Variants in OPCML observed in about 807,000 individuals in gnomAD.
The protein encoded by OPCML is opioid-binding protein/cell adhesion molecule.
In OPCML, 13 loss-of-function variants were observed where a neutral mutation model predicts 37.8. The observed-to-expected ratio is 0.34, with a 90% CI of 0.22 to 0.55. The LOEUF (loss-of-function observed/expected upper bound fraction) is 0.55, where lower values mean the gene tolerates loss of function less well. Ranked by LOEUF, OPCML falls within the 20% of genes least tolerant of loss-of-function variation. The pLI is 0.91. For missense variants in OPCML, 341 were observed against 435.6 expected (o/e 0.78, Z 1.93); for synonymous variants, 176 against 168.8 (o/e 1.04, Z -0.33).
chr11:132,430,662 C>A (rs1242757915), intron 7 of OPCML, among the ~76,000 whole-genome samples: 4 of 151,844 alleles, frequency 2.6e-5, no homozygotes, highest in African/African-American at 4.8e-5. Context: ...GTTGTCCCTG[C>A]GCCCTACACT....
In OPCML at chr11:133,174,963, T is replaced by C. The variant is rs946844633; in HGVS notation, c.62-231953A>G. Among the ~76,000 whole-genome samples the C allele has an allele frequency of 1.3e-5, 2 of 152,184 alleles. No homozygotes were observed. The highest frequency in any genetic ancestry group is 2.9e-5 in the Non-Finnish European group (2 of 68,032). On this transcript the variant is annotated intron_variant, in intron 1 of 7. Coordinates refer to ENST00000524381, the MANE Select transcript of OPCML (RefSeq NM_001012393.5). This position sits in a 1 kb window ranked among gnomAD's most constrained non-coding sequence, Gnocchi z 4.6. The stretch of plus-strand genomic sequence containing the variant: ...ACAAAAAATTTTTAAAAAGTAACTG[T>C]ACATGGTGTTGCACACCTATAGTTC...
chr11:132,487,216 C>A (rs1266242175), intron 4 of OPCML, among the ~76,000 whole-genome samples: 1 of 152,168 alleles, frequency 6.6e-6, no homozygotes, highest in East Asian at 1.9e-4. Flanking sequence ...GGTTACTCAG[C>A]CCATCATGTA....
At chr11:133,228,015 G>C (rs1298173529) in intron 1 of OPCML, among the ~76,000 whole-genome samples, 20 of 152,154 alleles carry the variant, frequency 1.3e-4, no homozygotes, top group Admixed American at 1.3e-3. Flanking sequence ...CTGAGAGCTG[G>C]GGCTGGGTTG....
At chr11:132,985,367 G>T (rs1258892231) in intron 1 of OPCML, among the ~76,000 whole-genome samples, 1 of 152,086 alleles carries the variant, frequency 6.6e-6, no homozygotes, top group East Asian at 1.9e-4. Flanking sequence ...GCATTTGTGG[G>T]ACCAGAGTTC....
At chr11:132,928,633 G>A (rs979632453) in intron 2 of OPCML, among the ~76,000 whole-genome samples, 2 of 152,002 alleles carry the variant, frequency 1.3e-5, no homozygotes. Flanking sequence ...TAACAGAAAT[G>A]TACAGAACAC....
chr11:133,512,432 G>A (rs981141552), intron 1 of OPCML, among the ~76,000 whole-genome samples: 2 of 152,222 alleles, frequency 1.3e-5, no homozygotes, highest in African/African-American at 2.4e-5. Flanking sequence ...CATCCTCCAG[G>A]CATCTCCATG....
At chr11:133,403,620 C>G (rs371434638) in intron 1 of OPCML, among the ~76,000 whole-genome samples, 1 of 152,102 alleles carries the variant, frequency 6.6e-6, no homozygotes, top group Non-Finnish European at 1.5e-5. Flanking sequence ...CCTTTTATGG[C>G]GACCTCCTTT....
intron 3 of OPCML, among the ~76,000 whole-genome samples, chr11:132,651,403 G>A (rs1021829939): frequency 2.6e-5 from 4 of 152,166 alleles, no homozygotes; most frequent in African/African-American, 7.2e-5. Context: ...TGCATATAAA[G>A]TACCTTGTTA....
intron 1 of OPCML, among the ~76,000 whole-genome samples, chr11:133,379,133 C>T (rs182922592): frequency 1.3e-5 from 2 of 152,270 alleles, no homozygotes; most frequent in African/African-American, 4.8e-5. Context: ...AAAGCAGAGA[C>T]CAATATCATA....
intron 1 of OPCML, among the ~76,000 whole-genome samples, chr11:133,390,286 C>T (rs930268168): frequency 6.6e-6 from 1 of 151,824 alleles, no homozygotes; most frequent in Non-Finnish European, 1.5e-5. Flanking sequence ...GCTGAAACCC[C>T]GTCTCTACTA....
intron 1 of OPCML, among the ~76,000 whole-genome samples, chr11:133,098,293 G>A (rs1177675309): frequency 6.8e-6 from 1 of 147,178 alleles, no homozygotes; most frequent in Non-Finnish European, 1.5e-5. Context: ...TTGGCTCACT[G>A]CAAGCTCTGC....
In OPCML at chr11:133,377,612, G is replaced by GAAAAAAAAAAAAAAAAAAAAAAAA. The variant is rs71477791; in HGVS notation, c.61+154651_61+154652insTTTTTTTTTTTTTTTTTTTTTTTT. Among the ~76,000 whole-genome samples, 151 of 79,030 alleles carry GAAAAAAAAAAAAAAAAAAAAAAAA rather than the reference G, an allele frequency of 1.9e-3. 21 individuals carry two copies. The highest frequency in any genetic ancestry group is 5.5e-3 in the African/African-American group (95 of 17,194). 51.8% of individuals were successfully genotyped at this position (79,030 alleles called of 152,430 possible). A position where few individuals can be genotyped will look rare whatever the true frequency, so the allele number is the denominator to read the frequency against. Reference sequence around the variant, plus strand: ...GCTCTCTCTGACGTGCCAGTATTCAGAAAAAAAAAAAAAAAGAGCACCAAG... The same window carrying GAAAAAAAAAAAAAAAAAAAAAAAA: ...GCTCTCTCTGACGTGCCAGTATTCAGAAAAAAAAAAAAAAAAAAAAAAAAAAAAAAAAAAAAAAAGAGCACCAAG... On this transcript the variant is annotated intron_variant, in intron 1 of 7. Transcript: ENST00000524381.
At chr11:132,836,029 A>G (rs1260709830) in intron 2 of OPCML, among the ~76,000 whole-genome samples, 2 of 152,212 alleles carry the variant, frequency 1.3e-5, no homozygotes, top group African/African-American at 4.8e-5. Flanking sequence ...GGATCCCAGC[A>G]TGCCCATCCA....
chr11:133,421,728 C>A, intron 1 of OPCML: 1 of 985,354 alleles, frequency 1.0e-6, no homozygotes, highest in Non-Finnish European at 1.2e-6. Context: ...AGATAAACAT[C>A]CTAGCAAACA....
At chr11:133,070,611 A>T (rs1177185094) in intron 1 of OPCML, among the ~76,000 whole-genome samples, 2 of 152,224 alleles carry the variant, frequency 1.3e-5, no homozygotes, top group African/African-American at 2.4e-5. Context: ...ATTCCAAAGA[A>T]GGTGCAACTG....
intron 1 of OPCML, among the ~76,000 whole-genome samples, chr11:133,240,394 C>T (rs1302808983): frequency 1.3e-5 from 2 of 152,136 alleles, no homozygotes; most frequent in Non-Finnish European, 2.9e-5. Flanking sequence ...ACACATGGCT[C>T]TTCAAAGAGT....
intron 1 of OPCML, among the ~76,000 whole-genome samples, chr11:133,285,415 G>A (rs1255164257): frequency 1.3e-5 from 2 of 152,210 alleles, no homozygotes; most frequent in Non-Finnish European, 2.9e-5. Context: ...AGCCGGACTG[G>A]AGGACAATCT....
intron 1 of OPCML, chr11:133,006,135 G>T: frequency 1.0e-6 from 1 of 984,498 alleles, no homozygotes; most frequent in Non-Finnish European, 1.2e-6. Context: ...GGTGGGAGGA[G>T]ATCCCTGGAG....
intron 1 of OPCML, among the ~76,000 whole-genome samples, chr11:133,479,219 A>C (rs1323609386): frequency 6.6e-6 from 1 of 152,186 alleles, no homozygotes; most frequent in Non-Finnish European, 1.5e-5. Flanking sequence ...CCTCAGACCC[A>C]TTGAATCAGA....
Sources: allele counts gnomAD v4.1 joint callset (sites outside exome capture counted in the v4.1 genomes callset), GRCh38; gene constraint gnomAD v4.1.1; non-coding constraint Gnocchi (gnomAD v3.1); transcripts MANE v1.5; gene names NCBI Gene and HGNC (gene_info 2026-07-23, HGNC 2026-07-21).